JAK1: variants seen among roughly 807,000 people sequenced by gnomAD.
JAK1 encodes tyrosine-protein kinase JAK1.
A neutral mutation model predicts 136.6 loss-of-function variants in JAK1; 16 were observed. That is an observed-to-expected ratio of 0.12 (90% CI 0.08 to 0.18). The LOEUF (loss-of-function observed/expected upper bound fraction) is 0.18. JAK1 is among the 10% of genes least tolerant of loss of function. The pLI is 1.00. For missense variants in JAK1, 859 were observed against 1,450.1 expected (o/e 0.59, Z 6.62); for synonymous variants, 492 against 519.5 (o/e 0.95, Z 0.72).
intron 1 of JAK1, among the ~76,000 whole-genome samples, chr1:64,965,371 C>T (rs1431299437): frequency 6.6e-6 from 1 of 152,128 alleles, no homozygotes. Context: ...AGGACGGGGT[C>T]CCCTTCCCCA....
chr1:64,835,510 TATAAA>T lies in JAK1; in HGVS notation c.3259-9_3259-5del. 6.5e-7 allele frequency: 1 copy of T among 1,531,062 alleles called. No homozygotes were observed. Among genetic ancestry groups the T allele is most frequent in the Non-Finnish European group, 8.9e-7 (1 of 1,118,808 alleles). 94.8% of individuals were successfully genotyped at this position (1,531,062 alleles called of 1,614,324 possible). On this transcript the variant is annotated splice_region_variant and splice_polypyrimidine_tract_variant and intron_variant, in intron 23 of 24. Coordinates refer to ENST00000342505, the MANE Select transcript of JAK1 (RefSeq NM_002227.4). Reference sequence around the variant, plus strand: ...GGCCTATCATTTTCAGGAACAACTATATAAAATAAAATCAAACAAAACGTTTAACT... The same window carrying T: ...GGCCTATCATTTTCAGGAACAACTATATAAAATCAAACAAAACGTTTAACT...
intron 12 of JAK1, among the ~76,000 whole-genome samples, chr1:64,849,544 T>C (rs1230544286): frequency 6.6e-6 from 1 of 152,224 alleles, no homozygotes; most frequent in African/African-American, 2.4e-5. Flanking sequence ...CCCAGGAAGC[T>C]ATCTCCGTCC....
At chr1:64,974,189 C>T (rs1646478702) in intron 2 of JAK1, 1 of 152,116 alleles carries the variant, frequency 6.6e-6, no homozygotes, top group African/African-American at 2.4e-5. Flanking sequence ...GAGAAAAAAA[C>T]TTGATTCTGA....
chr1:64,878,256 T>C lies in JAK1; in HGVS notation c.329+769A>G, dbSNP rs376760609. Among the ~76,000 whole-genome samples the C allele has an allele frequency of 2.3e-4, 35 of 152,336 alleles. 9 individuals are homozygous for C. Among genetic ancestry groups the C allele is most frequent in the Admixed American group, 3.9e-4 (6 of 15,302 alleles). On this transcript the variant is annotated intron_variant, in intron 4 of 24. Coordinates refer to ENST00000342505, the MANE Select transcript of JAK1 (RefSeq NM_002227.4). ...AAGTATGTAACTAACATATTTTCCATTCTAGTTACTGAACAAATATGTTTA... is the reference window on the plus strand; with the variant it reads ...AAGTATGTAACTAACATATTTTCCACTCTAGTTACTGAACAAATATGTTTA...
At chr1:65,002,918 G>A (rs1028049441) in intron 2 of JAK1, among the ~76,000 whole-genome samples, 1 of 152,238 alleles carries the variant, frequency 6.6e-6, no homozygotes, top group Non-Finnish European at 1.5e-5. Flanking sequence ...AGGTCCCGGC[G>A]GGGAAGCGAT....
At chr1:65,047,186 A>AT (rs1247124174) in intron 1 of JAK1, among the ~76,000 whole-genome samples, 2 of 151,834 alleles carry the variant, frequency 1.3e-5, no homozygotes, top group Non-Finnish European at 2.9e-5. Flanking sequence ...TCTCCAAAAA[A>AT]TTTTTTTTGT....
rs141619094 is a variant in JAK1 at position 64,869,860 on chromosome 1, T to C, written c.484-386A>G. ...ATTCCACAAACATGCTTAGATGGCCTTGTCTAGGAGCTGGGTGTACAGAGT... is the reference window on the plus strand; with the variant it reads ...ATTCCACAAACATGCTTAGATGGCCCTGTCTAGGAGCTGGGTGTACAGAGT... On this transcript the variant is annotated intron_variant, in intron 5 of 24. Transcript: ENST00000342505. Among the ~76,000 whole-genome samples the C allele has an allele frequency of 4.6e-5, 7 of 152,280 alleles. No individual in the cohort carries two copies. The East Asian group carries it at 1.4e-3, about 29-fold the overall frequency.
At chr1:65,041,687 T>C (rs61149206) in intron 2 of JAK1, among the ~76,000 whole-genome samples, 4 of 152,020 alleles carry the variant, frequency 2.6e-5, no homozygotes, top group Non-Finnish European at 5.9e-5. Flanking sequence ...AAGCAAATAC[T>C]TATACTATAT....
At position 64,984,425 on chromosome 1, in the gene JAK1, T is replaced by G. The variant is rs1247963622; in HGVS notation, c.-78+60055A>C. On this transcript the variant is annotated intron_variant, in intron 2 of 25. Transcript: ENST00000671954. The surrounding 1 kb of genome is among the most constrained non-coding windows in gnomAD (Gnocchi z 4.1). ...TTGGTCTCTCCTACGCAGAAGAGAATGTCCAAGAAATGAAATATTTTAAAA... is the reference window on the plus strand; with the variant it reads ...TTGGTCTCTCCTACGCAGAAGAGAAGGTCCAAGAAATGAAATATTTTAAAA... Among the ~76,000 whole-genome samples, 1 of 152,178 alleles carries G rather than the reference T, an allele frequency of 6.6e-6. No individual in the cohort carries two copies. Among genetic ancestry groups the G allele is most frequent in the African/African-American group, 2.4e-5 (1 of 41,438 alleles).
At chr1:65,010,969 C>G (rs1323414722) in intron 2 of JAK1, among the ~76,000 whole-genome samples, 1 of 152,176 alleles carries the variant, frequency 6.6e-6, no homozygotes. Flanking sequence ...ACCTGGGTAA[C>G]AGAGACAGAT....
chr1:64,893,052 TGA>T (rs1162238879), intron 1 of JAK1, among the ~76,000 whole-genome samples: 1 of 151,888 alleles, frequency 6.6e-6, no homozygotes, highest in Non-Finnish European at 1.5e-5. Context: ...TGCTTTGGGC[TGA>T]GAGGGGATTA....
chr1:64,877,756 C>A (rs1420755644), intron 4 of JAK1, among the ~76,000 whole-genome samples: 3 of 152,188 alleles, frequency 2.0e-5, no homozygotes, highest in African/African-American at 7.2e-5. Flanking sequence ...TTCCAGACTT[C>A]AAACTGCAAC....
intron 2 of JAK1, among the ~76,000 whole-genome samples, chr1:65,043,700 ATTTTTTTTTTT>A (rs112982943): frequency 3.0e-5 from 3 of 101,246 alleles, no homozygotes; most frequent in Admixed American, 1.0e-4. Context: ...CACCTGGCTA[ATTTTTTTTTTT>A]TTTTTTTTTT....
chr1:64,899,756 A>T (rs1557675603), intron 1 of JAK1, among the ~76,000 whole-genome samples: 1 of 152,220 alleles, frequency 6.6e-6, no homozygotes, highest in African/African-American at 2.4e-5. Context: ...ACTCATCTGT[A>T]CAACTCTCCC....
intron 1 of JAK1, among the ~76,000 whole-genome samples, chr1:65,048,976 C>T (rs1647216977): frequency 6.6e-6 from 1 of 152,190 alleles, no homozygotes; most frequent in Non-Finnish European, 1.5e-5. Flanking sequence ...GGTGTTAGTA[C>T]CTTGTCCACT....
At chr1:65,013,773 C>T (rs1646869912) in intron 2 of JAK1, among the ~76,000 whole-genome samples, 2 of 152,072 alleles carry the variant, frequency 1.3e-5, no homozygotes, top group Non-Finnish European at 2.9e-5. Context: ...AACAACTAAG[C>T]ATACATAATA....
intron 1 of JAK1, among the ~76,000 whole-genome samples, chr1:64,942,874 T>G (rs1033113714): frequency 2.6e-5 from 4 of 152,220 alleles, no homozygotes; most frequent in African/African-American, 9.6e-5. Flanking sequence ...ATAAAGTAAC[T>G]GTCTTAATTT....
At chr1:64,853,937 G>A (rs1655760439) in intron 11 of JAK1, among the ~76,000 whole-genome samples, 1 of 152,196 alleles carries the variant, frequency 6.6e-6, no homozygotes, top group Non-Finnish European at 1.5e-5. Flanking sequence ...AGCCTCAACT[G>A]GGGTTCGTTC....
intron 21 of JAK1, 58 bp from the exon 22 acceptor site, chr1:64,838,162 C>G: frequency 6.8e-7 from 1 of 1,471,418 alleles, no homozygotes; most frequent in Admixed American, 2.2e-5. Flanking sequence ...ATTGTATTAT[C>G]TATCACTTCA....
Sources: gnomAD v4.1 joint callset for allele counts (sites outside exome capture counted in the v4.1 genomes callset) on GRCh38, gnomAD v4.1.1 for gene constraint, Gnocchi (gnomAD v3.1) non-coding constraint, MANE v1.5 for transcripts, NCBI Gene and HGNC (gene_info 2026-07-23, HGNC 2026-07-21) for gene names.